ZNF277: variants seen among roughly 807,000 people sequenced by gnomAD.
ZNF277 encodes nuclear receptor-interacting factor 4.
Under a neutral mutation model 60.7 loss-of-function variants are expected in ZNF277, and 55 were observed. The observed-to-expected ratio is 0.91, with a 90% confidence interval of 0.73 to 1.13. The LOEUF is 1.13. ZNF277 is among the 50% of genes most tolerant of loss of function. The pLI is 0.00. For synonymous variants in ZNF277, 178 were observed against 179.3 expected, an observed-to-expected ratio of 0.99 and a Z score of 0.06; for missense variants, 510 against 523.0, an observed-to-expected ratio of 0.98 and a Z score of 0.24.
At chr7:112,304,430 T>C (rs890810331) in intron 4 of ZNF277, among the ~76,000 whole-genome samples, 1 of 152,120 alleles carries the variant, frequency 6.6e-6, no homozygotes, top group Admixed American at 6.6e-5. Context: ...TAGCTTTTTA[T>C]TTGACCCCTG....
intron 2 of ZNF277, 184 bp downstream of exon 2, chr7:112,287,258 C>G (rs1792090792): frequency 1.7e-6 from 1 of 602,498 alleles, no homozygotes; most frequent in Non-Finnish European, 2.9e-6. Flanking sequence ...ACCTGTAGTT[C>G]CAGCTACTTG....
At chr7:112,244,870 A>G (rs959321861) in intron 1 of ZNF277, among the ~76,000 whole-genome samples, 1 of 152,160 alleles carries the variant, frequency 6.6e-6, no homozygotes, top group African/African-American at 2.4e-5. Context: ...CTCATAATAT[A>G]CAGTTATTTA....
intron 11 of ZNF277, 192 bp downstream of exon 11, chr7:112,341,238 T>A (rs1793438646): frequency 4.7e-6 from 2 of 424,360 alleles, no homozygotes; most frequent in Non-Finnish European, 4.0e-6. Flanking sequence ...CTCTTACAAA[T>A]GAAACCAAGT....
intron 1 of ZNF277, among the ~76,000 whole-genome samples, chr7:112,281,175 TGTGATCATCCTCTGA>T (rs1407525932): frequency 6.6e-6 from 1 of 152,238 alleles, no homozygotes; most frequent in Admixed American, 6.5e-5. Context: ...ACAATCCTCG[TGTGATCATCCTCTGA>T]ACCACTGATT....
intron 1 of ZNF277, among the ~76,000 whole-genome samples, chr7:112,280,883 C>A (rs575268549): frequency 6.6e-6 from 1 of 152,310 alleles, no homozygotes; most frequent in South Asian, 2.1e-4. Flanking sequence ...CCACCTCAGC[C>A]TCCCAAAGTG....
intron 1 of ZNF277, among the ~76,000 whole-genome samples, chr7:112,242,557 C>CAAAAAAAAA (rs34058145): frequency 8.0e-5 from 8 of 99,484 alleles, no homozygotes; most frequent in Middle Eastern, 5.0e-3. Context: ...TAATAGCTAC[C>CAAAAAAAAA]AAAAAAAAAA....
At chr7:112,292,088 A>C (rs1400431625) in intron 2 of ZNF277, among the ~76,000 whole-genome samples, 1 of 152,284 alleles carries the variant, frequency 6.6e-6, no homozygotes. Context: ...GCCAGGCAGA[A>C]TCTCCCCATG....
At chr7:112,242,568 A>C (rs903553329) in intron 1 of ZNF277, among the ~76,000 whole-genome samples, 4 of 136,054 alleles carry the variant, frequency 2.9e-5, no homozygotes, top group Non-Finnish European at 6.4e-5. Flanking sequence ...AAAAAAAAAA[A>C]AAAAACAAAA....
chr7:112,293,162 G>A (rs184227223), intron 2 of ZNF277, among the ~76,000 whole-genome samples: 1 of 152,132 alleles, frequency 6.6e-6, no homozygotes, highest in Non-Finnish European at 1.5e-5. Flanking sequence ...CATTGCCTCC[G>A]GGGTGGTAAT....
At chr7:112,293,833 A>C (rs1792264962) in intron 2 of ZNF277, among the ~76,000 whole-genome samples, 1 of 152,310 alleles carries the variant, frequency 6.6e-6, no homozygotes, top group African/African-American at 2.4e-5. Context: ...CCATCCAGAT[A>C]GTCCTCAATG....
intron 3 of ZNF277, 118 bp downstream of exon 3, chr7:112,296,075 TG>T: frequency 9.8e-7 from 1 of 1,024,604 alleles, no homozygotes; most frequent in Non-Finnish European, 1.5e-6. Flanking sequence ...TAAATTGATG[TG>T]TTTATTTTGC....
intron 1 of ZNF277, among the ~76,000 whole-genome samples, chr7:112,208,674 A>ATTTTT (rs869082099): frequency 0.013 from 928 of 72,850 alleles, 123 homozygotes; most frequent in Non-Finnish European, 0.016. Context: ...GTATGATTTG[A>ATTTTT]TTTTTTTTTT....
chr7:112,306,910 C>G (rs1792609770), intron 4 of ZNF277, among the ~76,000 whole-genome samples: 1 of 152,080 alleles, frequency 6.6e-6, no homozygotes, highest in Admixed American at 6.6e-5. Flanking sequence ...TTACATCCAG[C>G]TCTTACACCC....
intron 1 of ZNF277, among the ~76,000 whole-genome samples, chr7:112,247,263 A>G (rs1791106241): frequency 6.6e-6 from 1 of 152,156 alleles, no homozygotes; most frequent in African/African-American, 2.4e-5. Context: ...TTTGGCCCAA[A>G]TGAGCTCTCT....
chr7:112,228,589 C>T (rs1044869291), intron 1 of ZNF277, among the ~76,000 whole-genome samples: 3 of 150,556 alleles, frequency 2.0e-5, no homozygotes, highest in Non-Finnish European at 4.4e-5. Flanking sequence ...AAAGTCACCC[C>T]GGACGTTTTG....
intron 1 of ZNF277, among the ~76,000 whole-genome samples, chr7:112,278,887 C>T (rs1376664106): frequency 2.6e-5 from 4 of 152,150 alleles, no homozygotes; most frequent in Admixed American, 2.6e-4. Flanking sequence ...ACTCATTAAA[C>T]AGTAATTCCC....
At chr7:112,269,603 C>T (rs1791624489) in intron 1 of ZNF277, among the ~76,000 whole-genome samples, 1 of 152,046 alleles carries the variant, frequency 6.6e-6, no homozygotes, top group African/African-American at 2.4e-5. Flanking sequence ...TGCAAGAAGA[C>T]TTGTAGCACT....
At position 112,286,968 on chromosome 7, in the gene ZNF277, T is replaced by C; in HGVS notation, c.187T>C (p.Cys63Arg). 6.2e-7 allele frequency: 1 copy of C among 1,613,970 alleles called. No individual in the cohort carries two copies. Among genetic ancestry groups the C allele is most frequent in the Middle Eastern group, 1.6e-4 (1 of 6,062 alleles). ...TTCTCCATCTGTGCCTTGTATTTTCTGTGAAGAACATTTTCCTGTGGCTGA... is the reference window on the plus strand; with the variant it reads ...TTCTCCATCTGTGCCTTGTATTTTCCGTGAAGAACATTTTCCTGTGGCTGA... ...EGSPSVPCIF[C>R]EEHFPVAEQD... The change falls in exon 2 of 12, where the codon TGT (cysteine) becomes CGT (arginine). Residue 63 changes from cysteine (C) to arginine (R), a missense_variant. Physicochemically the swap from Cys to Arg is radical, Grantham distance 180. Transcript: ENST00000361822.
chr7:112,294,414 G>T (rs1281610728), intron 2 of ZNF277, among the ~76,000 whole-genome samples: 2 of 152,216 alleles, frequency 1.3e-5, no homozygotes, highest in Non-Finnish European at 2.9e-5. Flanking sequence ...AAGCCAGTGA[G>T]TTAGCCAAGG....
Sources: gnomAD v4.1 joint callset for allele counts (sites outside exome capture counted in the v4.1 genomes callset) on GRCh38, gnomAD v4.1.1 for gene constraint, MANE v1.5 for transcripts, NCBI Gene and HGNC (gene_info 2026-07-23, HGNC 2026-07-21) for gene names.